The following MIPEP variants were observed in gnomAD, a reference collection of about 807,000 sequenced individuals.
The protein encoded by MIPEP is mitochondrial intermediate peptidase.
MIPEP carries 79 observed loss-of-function variants against 90.3 expected under a neutral mutation model. The observed-to-expected ratio is 0.87, with a 90% CI of 0.73 to 1.05. MIPEP has a LOEUF of 1.05. Among genes scored for constraint, MIPEP ranks in the 50% least tolerant of loss-of-function variants. MIPEP has a pLI of 0.00. For missense variants in MIPEP, 940 were observed against 905.6 expected, an observed-to-expected ratio of 1.04 and a Z score of -0.49; for synonymous variants, 334 against 315.8, an observed-to-expected ratio of 1.06 and a Z score of -0.61.
chr13:23,821,992 A>G (rs987260307), intron 14 of MIPEP, among the ~76,000 whole-genome samples: 22 of 152,222 alleles, frequency 1.4e-4, no homozygotes, highest in Non-Finnish European at 2.6e-4. Context: ...GAGCCACAAA[A>G]GAGGTGCAGA....
intron 14 of MIPEP, among the ~76,000 whole-genome samples, chr13:23,815,077 C>A (rs1179467195): frequency 2.0e-5 from 3 of 152,200 alleles, no homozygotes; most frequent in African/African-American, 7.2e-5. Context: ...AGGTTTAACA[C>A]AGATACTGAA....
intron 5 of MIPEP, 30 bp from the exon 6 acceptor site, chr13:23,870,225 A>C (rs775125020): frequency 6.9e-7 from 1 of 1,439,696 alleles, no homozygotes; most frequent in East Asian, 2.5e-5. Context: ...AAGTTATTTA[A>C]AGGCGTTTTG....
At chr13:23,859,054 T>C in intron 9 of MIPEP, 142 bp from the exon 10 acceptor site, 2 of 714,244 alleles carry the variant, frequency 2.8e-6, no homozygotes, top group Non-Finnish European at 4.8e-6. Context: ...AAAAAATTGA[T>C]AGCTTGGCAG....
Position 23,806,050 on chromosome 13 carries a change from T to C in MIPEP, c.1748A>G (p.Asp583Gly), listed in dbSNP as rs766893195. ...MQLQVFYATL[D>G]QIYHGKHPLR... ...GGGATGCTTCCCATGGTAGATTTGATCCAGAGTGGCATAAAAGACCTAGAT... is the reference window on the plus strand; with the variant it reads ...GGGATGCTTCCCATGGTAGATTTGACCCAGAGTGGCATAAAAGACCTAGAT... The change falls in exon 16 of 19, where the codon GAT (aspartate) becomes GGT (glycine). Residue 583 changes from aspartate (D) to glycine (G), a missense_variant. By Grantham distance (94) the Asp-to-Gly change is moderately conservative (BLOSUM62 -1). Transcript: ENST00000382172. 5 of 1,613,994 alleles carry C rather than the reference T, an allele frequency of 3.1e-6. No homozygotes were observed. Among genetic ancestry groups the C allele is most frequent in the African/African-American group, 1.3e-5 (1 of 75,048 alleles).
In MIPEP at chr13:23,889,128, T is replaced by C; in HGVS notation, c.189+4A>G. 1 of 1,413,100 alleles carries C rather than the reference T, an allele frequency of 7.1e-7. No individual in the cohort carries two copies. The highest frequency in any genetic ancestry group is 9.2e-7 in the Non-Finnish European group (1 of 1,086,300). The allele number at this position is 1,413,100 out of a possible 1,614,324, so 87.5% of individuals were successfully genotyped here. On this transcript the variant is annotated splice_donor_region_variant and intron_variant, in intron 1 of 18. Transcript: ENST00000382172. ...CTGAGGGGAGCTCCTCCTGCGCCGC[T>C]CACCCGGCGCTCGCCGAACAGGTCC... is the stretch of plus-strand genomic sequence containing the variant.
chr13:23,852,558 C>G (rs887514755), intron 10 of MIPEP, among the ~76,000 whole-genome samples: 14 of 152,204 alleles, frequency 9.2e-5, no homozygotes, highest in African/African-American at 3.4e-4. Context: ...CAAGGCATTA[C>G]TCACAGGTTT....
In MIPEP at chr13:23,811,388, C is replaced by T. The variant is rs543026549; in HGVS notation, c.1654-1464G>A. Among the ~76,000 whole-genome samples, 13 of 152,172 alleles carry T rather than the reference C, an allele frequency of 8.5e-5. 1 individual carries two copies. In the South Asian group the frequency reaches 2.7e-3, roughly 32 times the overall value. ...CAGGCTACATTGTCTTTAGCTTATT[C>T]TAGTGCAGAGGCCAAGATAACTATA... On this transcript the variant is annotated intron_variant, in intron 14 of 18. Transcript: ENST00000382172.
intron 16 of MIPEP, 78 bp from the exon 17 acceptor site, chr13:23,760,295 G>A (rs927646178): frequency 6.4e-7 from 1 of 1,569,240 alleles, no homozygotes; most frequent in African/African-American, 1.4e-5. Flanking sequence ...GAACACAGTG[G>A]AGACACAGAG....
intron 5 of MIPEP, among the ~76,000 whole-genome samples, chr13:23,872,897 C>T (rs1021466367): frequency 2.0e-5 from 3 of 152,128 alleles, no homozygotes; most frequent in Admixed American, 2.0e-4. Context: ...TGATAGCTAG[C>T]ATTATCATGA....
chr13:23,869,119 C>A (rs149356145), intron 7 of MIPEP, among the ~76,000 whole-genome samples, 173 bp downstream of exon 7: 135 of 152,248 alleles, frequency 8.9e-4, no homozygotes, highest in African/African-American at 3.1e-3. Flanking sequence ...CAGAATTATG[C>A]CAAATTATTA....
chr13:23,845,024 T>C (rs1158528553), intron 10 of MIPEP, among the ~76,000 whole-genome samples: 2 of 152,192 alleles, frequency 1.3e-5, no homozygotes, highest in Non-Finnish European at 2.9e-5. Flanking sequence ...TTGTGTATCC[T>C]TCCAGGCATT....
chr13:23,808,422 A>G (rs1953136583), intron 15 of MIPEP, among the ~76,000 whole-genome samples: 1 of 152,120 alleles, frequency 6.6e-6, no homozygotes, highest in Non-Finnish European at 1.5e-5. Context: ...TTATGTCCCC[A>G]TAGAAAGTTG....
chr13:23,769,573 T>TG (rs1226591117), intron 16 of MIPEP, among the ~76,000 whole-genome samples: 1 of 152,082 alleles, frequency 6.6e-6, no homozygotes, highest in East Asian at 1.9e-4. Flanking sequence ...AGCAGGTGTG[T>TG]GGGGGGAGGG....
At chr13:23,791,572 AC>A (rs1249178565) in intron 16 of MIPEP, among the ~76,000 whole-genome samples, 1 of 151,744 alleles carries the variant, frequency 6.6e-6, no homozygotes, top group Non-Finnish European at 1.5e-5. Context: ...CTACGGGCTA[AC>A]CCCTCCACCC....
At chr13:23,798,115 T>C (rs1952984070) in intron 16 of MIPEP, among the ~76,000 whole-genome samples, 1 of 152,226 alleles carries the variant, frequency 6.6e-6, no homozygotes, top group Non-Finnish European at 1.5e-5. Flanking sequence ...TTATATCAAT[T>C]ATTAAAAATT....
intron 14 of MIPEP, among the ~76,000 whole-genome samples, chr13:23,810,346 C>T (rs9510870): frequency 0.37 from 56,832 of 152,100 alleles, 11,762 homozygotes; most frequent in African/African-American, 0.56. Flanking sequence ...TGGTAATTCA[C>T]AGTGTCCGCC....
chr13:23,858,375 C>T (rs1870134111), intron 10 of MIPEP, among the ~76,000 whole-genome samples: 1 of 149,174 alleles, frequency 6.7e-6, no homozygotes, highest in Non-Finnish European at 1.5e-5. Flanking sequence ...TCCAGATGGA[C>T]CAATAATGTG....
At position 23,836,234 on chromosome 13, in the gene MIPEP, T is replaced by C; in HGVS notation, c.1653+6A>G. On this transcript the variant is annotated splice_donor_region_variant and intron_variant, in intron 14 of 18. Transcript: ENST00000382172. ...AAGGACAAGACGACAATATTACTGT[T>C]CCTACCTGTCCAGTCTGATAATGTC... The C allele has an allele frequency of 1.3e-6, 2 of 1,550,550 alleles. No individual in the cohort carries two copies. Among genetic ancestry groups the C allele is most frequent in the South Asian group, 1.2e-5 (1 of 82,168 alleles).
intron 16 of MIPEP, among the ~76,000 whole-genome samples, chr13:23,783,072 T>A (rs903563906): frequency 6.6e-6 from 1 of 151,950 alleles, no homozygotes; most frequent in African/African-American, 2.4e-5. Context: ...TTCCAATCAA[T>A]AGAAAAAGAG....
Sources: allele counts gnomAD v4.1 joint callset (sites outside exome capture counted in the v4.1 genomes callset), GRCh38; gene constraint gnomAD v4.1.1; transcripts MANE v1.5; gene names NCBI Gene and HGNC (gene_info 2026-07-23, HGNC 2026-07-21).